RNF180: variants seen among roughly 807,000 people sequenced by gnomAD.
The protein encoded by RNF180 is E3 ubiquitin-protein ligase RNF180.
A neutral mutation model predicts 59.2 loss-of-function variants in RNF180; 38 were observed. The observed-to-expected ratio is 0.64, with a 90% CI of 0.50 to 0.84. The LOEUF (loss-of-function observed/expected upper bound fraction) is 0.84. RNF180 is among the 40% of genes least tolerant of loss of function. The probability of loss-of-function intolerance (pLI) is 0.00; values close to 1 mark genes in which losing one functional copy is unlikely to be tolerated. For synonymous variants in RNF180, 262 were observed against 240.3 expected, an observed-to-expected ratio of 1.09 and a Z score of -0.84; for missense variants, 705 against 700.9, an observed-to-expected ratio of 1.01 and a Z score of -0.07.
Position 64,309,255 on chromosome 5 carries a change from T to A in RNF180, c.1228-15931T>A, listed in dbSNP as rs531220007. On this transcript the variant is annotated intron_variant, in intron 5 of 7. Coordinates refer to ENST00000389100, the MANE Select transcript of RNF180 (RefSeq NM_001113561.2). ...TTAGGGACTCTGGCTCAGCCAGCAG[T>A]TTTCAAAATAGGAAAATAATTTTCC... Among the ~76,000 whole-genome samples the A allele has an allele frequency of 2.0e-5, 3 of 151,792 alleles. No homozygotes were observed. The East Asian group carries it at 5.8e-4, about 29-fold the overall frequency.
intron 5 of RNF180, among the ~76,000 whole-genome samples, chr5:64,251,315 A>C (rs1031264443): frequency 6.6e-6 from 1 of 152,222 alleles, no homozygotes; most frequent in African/African-American, 2.4e-5. Flanking sequence ...ACCACTTTTT[A>C]TCGTTACCAT....
chr5:64,367,906 T>G (rs1746511571), intron 7 of RNF180, among the ~76,000 whole-genome samples: 1 of 151,674 alleles, frequency 6.6e-6, no homozygotes, highest in South Asian at 2.1e-4. Flanking sequence ...AAAAGATTAA[T>G]AGGTTATCAG....
At chr5:64,315,229 A>T (rs890147947) in intron 5 of RNF180, among the ~76,000 whole-genome samples, 2 of 152,212 alleles carry the variant, frequency 1.3e-5, no homozygotes, top group African/African-American at 4.8e-5. Context: ...AACAAATTTT[A>T]CAAACTTCTG....
chr5:64,287,669 A>G (rs1177111924), intron 5 of RNF180, among the ~76,000 whole-genome samples: 1 of 152,158 alleles, frequency 6.6e-6, no homozygotes, highest in Admixed American at 6.5e-5. Context: ...ATATTTTTCT[A>G]ACAGTGACGT....
chr5:64,282,493 C>A (rs998912862), intron 5 of RNF180, among the ~76,000 whole-genome samples: 1 of 152,040 alleles, frequency 6.6e-6, no homozygotes, highest in African/African-American at 2.4e-5. Context: ...GATCAAACTT[C>A]TTGTTTTGTT....
intron 1 of RNF180, among the ~76,000 whole-genome samples, chr5:64,168,760 A>T (rs913949357): frequency 2.4e-4 from 36 of 151,574 alleles, no homozygotes; most frequent in Non-Finnish European, 4.0e-4. Flanking sequence ...TGCTATTTCC[A>T]AAAAAAAAGT....
intron 5 of RNF180, among the ~76,000 whole-genome samples, chr5:64,297,973 T>G (rs191897178): frequency 6.6e-6 from 1 of 151,970 alleles, no homozygotes; most frequent in African/African-American, 2.4e-5. Context: ...GTCACGGGGG[T>G]TTGTTATACA....
Position 64,325,409 on chromosome 5 carries a change from C to T in RNF180, c.1451C>T (p.Thr484Ile). Residue 484 changes from threonine to isoleucine, a missense_variant and splice_region_variant, in exon 6 of 8, where the codon ACA (threonine) becomes ATA (isoleucine). By Grantham distance (89) the Thr-to-Ile change is moderately conservative. Coordinates refer to ENST00000389100, the MANE Select transcript of RNF180 (RefSeq NM_001113561.2). ...RTIISRVFFQ[T>I]ELNNATKTFF... is the part of the protein sequence containing the mutation. Reference sequence around the variant, plus strand: ...ATTATTTCTAGAGTCTTTTTCCAAACAGGTAACAATTCTCTTTCATTAACA... The same window carrying T: ...ATTATTTCTAGAGTCTTTTTCCAAATAGGTAACAATTCTCTTTCATTAACA... 1 of 1,530,524 alleles carries T rather than the reference C, an allele frequency of 6.5e-7. No individual in the cohort carries two copies. The highest frequency in any genetic ancestry group is 8.9e-7 in the Non-Finnish European group (1 of 1,127,688). 94.8% of individuals were successfully genotyped at this position (1,530,524 alleles called of 1,614,324 possible). A position where few individuals can be genotyped will look rare whatever the true frequency, so the allele number is the denominator to read the frequency against.
At chr5:64,307,890 A>G (rs1743558517) in intron 5 of RNF180, among the ~76,000 whole-genome samples, 2 of 151,800 alleles carry the variant, frequency 1.3e-5, no homozygotes, top group African/African-American at 4.8e-5. Flanking sequence ...TCAAACCATT[A>G]TAAGTTGGGG....
intron 1 of RNF180, among the ~76,000 whole-genome samples, chr5:64,199,360 A>G (rs2112046522): frequency 6.6e-6 from 1 of 152,280 alleles, no homozygotes; most frequent in African/African-American, 2.4e-5. Context: ...TGTTAATAGT[A>G]TGCATGTCTC....
At position 64,267,904 on chromosome 5, in the gene RNF180, C is replaced by T. The variant is rs193174024; in HGVS notation, c.1227+50508C>T. Among the ~76,000 whole-genome samples the T allele has an allele frequency of 5.3e-5, 8 of 152,152 alleles. No individual in the cohort carries two copies. The South Asian group carries it at 1.7e-3, about 32-fold the overall frequency. ...GACAGTGTCACAGGTAGTGCTGATA[C>T]TGCTGTGATTTGTCTTCTACATTTA... On this transcript the variant is annotated intron_variant, in intron 5 of 7. Coordinates refer to ENST00000389100, the MANE Select transcript of RNF180 (RefSeq NM_001113561.2).
At chr5:64,200,456 AAAAC>A (rs1448816786) in intron 1 of RNF180, among the ~76,000 whole-genome samples, 4 of 152,248 alleles carry the variant, frequency 2.6e-5, no homozygotes, top group South Asian at 2.1e-4. Flanking sequence ...ACCCTGTCTA[AAAAC>A]AAACAAACAA....
chr5:64,179,262 C>T (rs1750439310), intron 1 of RNF180, among the ~76,000 whole-genome samples: 1 of 151,974 alleles, frequency 6.6e-6, no homozygotes, highest in Non-Finnish European at 1.5e-5. Flanking sequence ...ATATACTGAA[C>T]ATCTGTGTGT....
intron 5 of RNF180, among the ~76,000 whole-genome samples, chr5:64,323,858 T>C (rs1039583584): frequency 4.6e-5 from 7 of 152,198 alleles, no homozygotes; most frequent in Non-Finnish European, 8.8e-5. Context: ...AACCTTCTAC[T>C]ATTAATACTA....
chr5:64,234,168 C>G (rs1015218591), intron 5 of RNF180, among the ~76,000 whole-genome samples: 1 of 152,016 alleles, frequency 6.6e-6, no homozygotes, highest in Non-Finnish European at 1.5e-5. Context: ...CTGTTAAAAA[C>G]GAATTAAAGT....
chr5:64,267,596 T>C (rs900741003), intron 5 of RNF180, among the ~76,000 whole-genome samples: 2 of 151,872 alleles, frequency 1.3e-5, no homozygotes, highest in East Asian at 1.9e-4. Flanking sequence ...AGTGAGAATA[T>C]GCGGTGTTTG....
intron 5 of RNF180, among the ~76,000 whole-genome samples, chr5:64,234,009 A>C (rs140028389): frequency 1.8e-3 from 281 of 152,312 alleles, no homozygotes; most frequent in African/African-American, 6.5e-3. Context: ...GAAAGTTAGA[A>C]ATGTCAGTAG....
At chr5:64,307,242 T>C (rs912788990) in intron 5 of RNF180, among the ~76,000 whole-genome samples, 1 of 151,110 alleles carries the variant, frequency 6.6e-6, no homozygotes, top group African/African-American at 2.4e-5. Flanking sequence ...TAGTCATTAT[T>C]CATTTAATAA....
chr5:64,243,299 G>T (rs140694128), intron 5 of RNF180, among the ~76,000 whole-genome samples: 14 of 152,332 alleles, frequency 9.2e-5, no homozygotes, highest in East Asian at 3.9e-4. Context: ...TAGCTCAGTG[G>T]ATCCCACCCC....
Sources: allele counts gnomAD v4.1 joint callset (sites outside exome capture counted in the v4.1 genomes callset), GRCh38; gene constraint gnomAD v4.1.1; transcripts MANE v1.5; gene names NCBI Gene and HGNC (gene_info 2026-07-23, HGNC 2026-07-21).